Variants in AGMO observed in about 807,000 individuals in gnomAD.
The protein encoded by AGMO is glyceryl-ether monooxygenase.
A neutral mutation model predicts 60.2 loss-of-function variants in AGMO; 75 were observed. The observed-to-expected ratio is 1.25, with a 90% CI of 1.03 to 1.51. The LOEUF is 1.51. Among genes scored for constraint, AGMO ranks in the 40% most tolerant of loss-of-function variants. The pLI, the probability that AGMO is intolerant of heterozygous loss-of-function variation, is 0.00. For synonymous variants in AGMO, 261 were observed against 177.1 expected, an observed-to-expected ratio of 1.47 and a Z score of -3.76; for missense variants, 763 against 525.5, an observed-to-expected ratio of 1.45 and a Z score of -4.42.
intron 3 of AGMO, among the ~76,000 whole-genome samples, chr7:15,457,132 T>C (rs1782018576): frequency 6.6e-6 from 1 of 152,158 alleles, no homozygotes; most frequent in African/African-American, 2.4e-5. Context: ...AATGTTCAAA[T>C]GAAGGTTTGG....
intron 5 of AGMO, among the ~76,000 whole-genome samples, chr7:15,411,285 TG>T (rs1780597055): frequency 6.6e-6 from 1 of 152,034 alleles, no homozygotes; most frequent in African/African-American, 2.4e-5. Flanking sequence ...ACCCAGTCTG[TG>T]GTATTCTGTT....
At chr7:15,270,945 T>C (rs1783587178) in intron 12 of AGMO, among the ~76,000 whole-genome samples, 1 of 152,038 alleles carries the variant, frequency 6.6e-6, no homozygotes, top group Admixed American at 6.6e-5. Flanking sequence ...TTTATTTTTG[T>C]CATCTTTGAC....
intron 12 of AGMO, among the ~76,000 whole-genome samples, chr7:15,299,406 G>C (rs562758558): frequency 2.6e-4 from 40 of 152,176 alleles, no homozygotes; most frequent in African/African-American, 8.9e-4. Flanking sequence ...TGAACACCTT[G>C]AGAGAAAATA....
intron 3 of AGMO, among the ~76,000 whole-genome samples, chr7:15,543,430 C>T (rs1231767567): frequency 3.3e-5 from 5 of 152,110 alleles, no homozygotes; most frequent in African/African-American, 1.2e-4. Flanking sequence ...TGAACCAGTG[C>T]AGTAAGAGGG....
At chr7:15,269,489 C>T (rs1783530516) in intron 12 of AGMO, among the ~76,000 whole-genome samples, 1 of 151,554 alleles carries the variant, frequency 6.6e-6, no homozygotes, top group Non-Finnish European at 1.5e-5. Context: ...AGACAGGAGG[C>T]GGAGGTGAAG....
intron 12 of AGMO, among the ~76,000 whole-genome samples, chr7:15,250,521 C>T (rs893422412): frequency 6.6e-6 from 1 of 150,634 alleles, no homozygotes; most frequent in African/African-American, 2.5e-5. Flanking sequence ...AGGAATTGAG[C>T]CTAAATGGAA....
At chr7:15,124,609 G>C in the AGMO span, among the ~76,000 whole-genome samples, 2 of 152,070 alleles carry the variant, frequency 1.3e-5, no homozygotes, top group African/African-American at 4.8e-5. Flanking sequence ...CTGATCTTTA[G>C]AAGGAAGCTA....
At chr7:15,161,326 G>A in the AGMO span, among the ~76,000 whole-genome samples, 1 of 152,022 alleles carries the variant, frequency 6.6e-6, no homozygotes, top group Non-Finnish European at 1.5e-5. Flanking sequence ...CCAAGAAAGA[G>A]CAAATTCTGC....
At position 15,365,545 on chromosome 7, in the gene AGMO, G is replaced by A. The variant is rs201383556; in HGVS notation, c.1232C>T (p.Pro411Leu). ...AGCAGATGACAATGAAGGGACAAGA[G>A]GCTTCAGGTGACCAAATCGGTACAG... ...LMLYRFGHLK[P>L]LVPSLSSAFE... Residue 411 changes from proline to leucine, a missense_variant, in exon 12 of 13, where the codon CCT (proline) becomes CTT (leucine). By Grantham distance (98) the Pro-to-Leu change is moderately conservative. Transcript: ENST00000342526. 178 of 1,612,822 alleles carry A rather than the reference G, an allele frequency of 1.1e-4. No homozygotes were observed. The East Asian group carries it at 2.9e-3, about 26-fold the overall frequency.
chr7:15,415,390 A>G (rs1780736565), intron 5 of AGMO, among the ~76,000 whole-genome samples: 1 of 151,914 alleles, frequency 6.6e-6, no homozygotes, highest in Admixed American at 6.6e-5. Flanking sequence ...TAAAAATACA[A>G]AAATTAGCTG....
intron 12 of AGMO, among the ~76,000 whole-genome samples, chr7:15,332,686 CGA>C (rs1242051147): frequency 6.6e-6 from 1 of 151,842 alleles, no homozygotes; most frequent in South Asian, 2.1e-4. Context: ...GTAAATGAAG[CGA>C]GAGACCCATG....
chr7:15,428,332 C>T (rs1781128711), intron 4 of AGMO, among the ~76,000 whole-genome samples: 1 of 152,116 alleles, frequency 6.6e-6, no homozygotes, highest in African/African-American at 2.4e-5. Context: ...TATCTCATTT[C>T]CCACCATGCA....
At chr7:15,525,863 A>C (rs1400636226) in intron 3 of AGMO, among the ~76,000 whole-genome samples, 8 of 151,968 alleles carry the variant, frequency 5.3e-5, no homozygotes, top group Non-Finnish European at 1.2e-4. Context: ...GCTGTAACAC[A>C]CCCTCTGGGG....
chr7:15,258,181 T>A (rs1463860182), intron 12 of AGMO, among the ~76,000 whole-genome samples: 1 of 152,198 alleles, frequency 6.6e-6, no homozygotes, highest in African/African-American at 2.4e-5. Context: ...TGAGCCAATA[T>A]CTTAATACTT....
intron 12 of AGMO, among the ~76,000 whole-genome samples, chr7:15,344,419 GC>G (rs1781961790): frequency 6.6e-6 from 1 of 152,108 alleles, no homozygotes; most frequent in South Asian, 2.1e-4. Flanking sequence ...TGGATGCTAG[GC>G]CAGGTATTGT....
intron 12 of AGMO, among the ~76,000 whole-genome samples, chr7:15,262,932 G>A (rs1783316951): frequency 6.6e-6 from 1 of 151,856 alleles, no homozygotes; most frequent in Non-Finnish European, 1.5e-5. Flanking sequence ...CTCAACCCAA[G>A]ATGGATCAAA....
intron 12 of AGMO, among the ~76,000 whole-genome samples, chr7:15,353,230 GA>G (rs1782325183): frequency 6.6e-6 from 1 of 152,106 alleles, no homozygotes; most frequent in Non-Finnish European, 1.5e-5. Context: ...TTACATCCAC[GA>G]ATAAGTCATG....
At chr7:15,404,665 T>C (rs1280198120) in intron 5 of AGMO, among the ~76,000 whole-genome samples, 1 of 151,828 alleles carries the variant, frequency 6.6e-6, no homozygotes, top group Non-Finnish European at 1.5e-5. Context: ...AAGTAATCCG[T>C]GTCCAAAACT....
chr7:15,157,512 C>T, the AGMO span, among the ~76,000 whole-genome samples: 1 of 152,196 alleles, frequency 6.6e-6, no homozygotes, highest in African/African-American at 2.4e-5. Flanking sequence ...CTCAGCGTCC[C>T]ACTCTCTTTT....
Sources: allele counts gnomAD v4.1 joint callset (sites outside exome capture counted in the v4.1 genomes callset), GRCh38; gene constraint gnomAD v4.1.1; transcripts MANE v1.5; gene names NCBI Gene and HGNC (gene_info 2026-07-23, HGNC 2026-07-21).